The following NEK11 variants were observed in gnomAD, a reference collection of about 807,000 sequenced individuals.
NEK11 encodes the protein serine/threonine-protein kinase Nek11.
A neutral mutation model predicts 80.7 loss-of-function variants in NEK11; 72 were observed. That is an observed-to-expected ratio of 0.89 (90% CI 0.74 to 1.08). NEK11 has a LOEUF of 1.08. NEK11 is among the 50% of genes least tolerant of loss of function. The probability of loss-of-function intolerance (pLI) is 0.00; values close to 1 mark genes in which losing one functional copy is unlikely to be tolerated. For synonymous variants in NEK11, 251 were observed against 260.7 expected (o/e 0.96, Z 0.36); for missense variants, 764 against 763.6 (o/e 1.00, Z -0.01).
At chr3:131,165,848 C>T (rs183234568) in intron 12 of NEK11, among the ~76,000 whole-genome samples, 2 of 152,264 alleles carry the variant, frequency 1.3e-5, no homozygotes, top group South Asian at 2.1e-4. Context: ...TTAATTCCAC[C>T]CATGCTATTG....
chr3:131,188,889 G>T (rs898801810), intron 14 of NEK11, among the ~76,000 whole-genome samples: 1 of 152,086 alleles, frequency 6.6e-6, no homozygotes, highest in Non-Finnish European at 1.5e-5. Context: ...ACCTCAGAAG[G>T]TGACCTTATT....
At chr3:131,337,872 G>A (rs564211488) in intron 17 of NEK11, among the ~76,000 whole-genome samples, 1 of 152,118 alleles carries the variant, frequency 6.6e-6, no homozygotes, top group African/African-American at 2.4e-5. Context: ...TGAAACAGGA[G>A]TTATATCGCA....
intron 5 of NEK11, among the ~76,000 whole-genome samples, chr3:131,122,148 G>A (rs2082492438): frequency 6.6e-6 from 1 of 152,160 alleles, no homozygotes; most frequent in Non-Finnish European, 1.5e-5. Flanking sequence ...GAAAGGTAGT[G>A]TTAAGAACTC....
chr3:131,324,465 G>A (rs1247104868), intron 17 of NEK11, among the ~76,000 whole-genome samples: 1 of 152,140 alleles, frequency 6.6e-6, no homozygotes, highest in African/African-American at 2.4e-5. Context: ...TTAAAAAATT[G>A]TCCTTTGTAA....
intron 5 of NEK11, among the ~76,000 whole-genome samples, chr3:131,123,638 TAG>T (rs2082772800): frequency 6.6e-6 from 1 of 152,076 alleles, no homozygotes; most frequent in South Asian, 2.1e-4. Flanking sequence ...TATATATTTA[TAG>T]AGGCCTATCA....
rs145900464 is a variant in NEK11, at chr3:131,132,402, A to T, written c.456-343A>T. On this transcript the variant is annotated intron_variant, in intron 5 of 17. Coordinates refer to ENST00000383366, the MANE Select transcript of NEK11 (RefSeq NM_024800.5). ...AACTTGGACATTTGGGTAATAATAG[A>T]TTACAAACTGGTCTATCAATTGAGG... 2.4e-3 allele frequency among the ~76,000 whole-genome samples: 371 copies of T among 152,196 alleles called. 3 individuals carry two copies. Among genetic ancestry groups the T allele is most frequent in the South Asian group, 4.1e-3 (20 of 4,824 alleles).
Position 131,122,946 on chromosome 3 carries a change from C to T in NEK11, c.456-9799C>T, listed in dbSNP as rs147697897. Among the ~76,000 whole-genome samples, 572 of 152,158 alleles carry T rather than the reference C, an allele frequency of 3.8e-3. 2 individuals are homozygous for T. The highest frequency in any genetic ancestry group is 0.013 in the African/African-American group (532 of 41,488). On this transcript the variant is annotated intron_variant, in intron 5 of 17. Coordinates refer to ENST00000383366, the MANE Select transcript of NEK11 (RefSeq NM_024800.5). The stretch of plus-strand genomic sequence containing the variant: ...CATGAAACATAGAAATGAGAGGGAC[C>T]CACCACTTGAACAGATATGGTATGG...
chr3:131,178,034 T>C (rs992010943), intron 14 of NEK11, among the ~76,000 whole-genome samples: 4 of 152,210 alleles, frequency 2.6e-5, no homozygotes, highest in African/African-American at 9.6e-5. Context: ...GTCCTGCATA[T>C]TGTAGGCAAT....
intron 17 of NEK11, among the ~76,000 whole-genome samples, chr3:131,306,228 C>G (rs1185888465): frequency 1.3e-5 from 2 of 152,122 alleles, no homozygotes; most frequent in Non-Finnish European, 2.9e-5. Flanking sequence ...TGTTCTGGTA[C>G]TTTGTCTCTT....
At chr3:131,212,522 C>T (rs1283613230) in intron 14 of NEK11, among the ~76,000 whole-genome samples, 1 of 148,792 alleles carries the variant, frequency 6.7e-6, no homozygotes, top group African/African-American at 2.5e-5. Flanking sequence ...GTCTTCAAAG[C>T]TCAGTTGGAA....
intron 3 of NEK11, among the ~76,000 whole-genome samples, chr3:131,057,862 TC>T (rs1267985229): frequency 1.3e-5 from 2 of 152,240 alleles, no homozygotes; most frequent in African/African-American, 4.8e-5. Context: ...GATGGCAGTT[TC>T]TTTTGCTGTG....
chr3:131,179,229 G>A lies in NEK11; in HGVS notation c.1399+8342G>A, dbSNP rs532164556. On this transcript the variant is annotated intron_variant, in intron 14 of 17. Coordinates refer to ENST00000383366, the MANE Select transcript of NEK11 (RefSeq NM_024800.5). ...CCCTTACCACACAACCGAACCTGCT[G>A]TTGCCTTGATCTTGGACTTCCCAGC... 8.5e-5 allele frequency among the ~76,000 whole-genome samples: 13 copies of A among 152,312 alleles called. No homozygotes were observed. In the South Asian group the frequency reaches 2.3e-3, roughly 27 times the overall value.
chr3:131,112,488 G>A (rs75219595), intron 5 of NEK11, among the ~76,000 whole-genome samples: 2,270 of 152,246 alleles, frequency 0.015, 64 homozygotes, highest in African/African-American at 0.051. Flanking sequence ...AATCTGGATA[G>A]AGGATTACAA....
At chr3:131,226,073 C>T (rs544332552) in intron 14 of NEK11, among the ~76,000 whole-genome samples, 2 of 151,858 alleles carry the variant, frequency 1.3e-5, no homozygotes, top group South Asian at 2.1e-4. Flanking sequence ...CAAAGAGACT[C>T]GAGAGGGAGA....
At chr3:131,166,071 C>A (rs146519716) in intron 12 of NEK11, among the ~76,000 whole-genome samples, 2 of 152,286 alleles carry the variant, frequency 1.3e-5, no homozygotes, top group South Asian at 2.1e-4. Context: ...ATAGCAAACA[C>A]CATTTTCTCT....
chr3:131,331,877 G>A (rs1053277050), intron 17 of NEK11, among the ~76,000 whole-genome samples: 4 of 152,072 alleles, frequency 2.6e-5, no homozygotes, highest in African/African-American at 9.7e-5. Flanking sequence ...ACAGCGGTCT[G>A]AGATCAAACT....
chr3:131,304,068 G>T (rs567347078), intron 17 of NEK11, among the ~76,000 whole-genome samples: 2 of 151,944 alleles, frequency 1.3e-5, no homozygotes, highest in Admixed American at 6.6e-5. Flanking sequence ...TCATAGATTT[G>T]GTCTCTTTAC....
chr3:131,119,288 G>A (rs143270425), intron 5 of NEK11, among the ~76,000 whole-genome samples: 3,473 of 152,298 alleles, frequency 0.023, 147 homozygotes, highest in African/African-American at 0.08. Context: ...TTTTGAGTGA[G>A]TTTCTTAATC....
chr3:131,056,828 G>C (rs1417068894), intron 3 of NEK11, among the ~76,000 whole-genome samples: 1 of 151,884 alleles, frequency 6.6e-6, no homozygotes, highest in Non-Finnish European at 1.5e-5. Flanking sequence ...TGTCTATAGG[G>C]ATGCAGCCAC....
Sources: allele counts gnomAD v4.1 joint callset (sites outside exome capture counted in the v4.1 genomes callset), GRCh38; gene constraint gnomAD v4.1.1; transcripts MANE v1.5; gene names NCBI Gene and HGNC (gene_info 2026-07-23, HGNC 2026-07-21).